CLIP1: variants seen among roughly 807,000 people sequenced by gnomAD.
CLIP1 encodes the protein CAP-Gly domain containing linker protein 1, also known as CAP-Gly domain-containing linker protein 1.
CLIP1 carries 66 observed loss-of-function variants against 161.6 expected under a neutral mutation model. The observed-to-expected ratio is 0.41, with a 90% CI of 0.33 to 0.50. The LOEUF (loss-of-function observed/expected upper bound fraction) is 0.50. Ranked by LOEUF, CLIP1 falls within the 20% of genes least tolerant of loss-of-function variation. The pLI, the probability that CLIP1 is intolerant of heterozygous loss-of-function variation, is 0.27. For synonymous variants in CLIP1, 598 were observed against 626.2 expected (o/e 0.96, Z 0.67); for missense variants, 1,376 against 1,702.0 (o/e 0.81, Z 3.37).
intron 20 of CLIP1, among the ~76,000 whole-genome samples, chr12:122,303,636 C>T (rs984626563): frequency 1.3e-5 from 2 of 152,196 alleles, no homozygotes; most frequent in African/African-American, 4.8e-5. Context: ...CTCATTCCCA[C>T]AGGAGAACAT....
intron 24 of CLIP1, chr12:122,276,383 C>CACACACACACACAA: frequency 2.2e-6 from 1 of 456,170 alleles, no homozygotes; most frequent in South Asian, 2.8e-5. Flanking sequence ...AGTGGGAAAC[C>CACACACACACACAA]ACACACACAC....
chr12:122,325,721 T>C, intron 17 of CLIP1, among the ~76,000 whole-genome samples: 1 of 152,190 alleles, frequency 6.6e-6, no homozygotes, highest in Non-Finnish European at 1.5e-5. Context: ...TGGCACCATC[T>C]CAGCTCACTG....
At chr12:122,421,073 TTC>T (rs1384685435) in intron 1 of CLIP1, among the ~76,000 whole-genome samples, 4 of 149,404 alleles carry the variant, frequency 2.7e-5, no homozygotes, top group African/African-American at 9.8e-5. Flanking sequence ...GTAAAAGGTA[TTC>T]TGACTTCAGG....
intron 20 of CLIP1, 83 bp from the exon 21 acceptor site, chr12:122,288,624 G>A: frequency 1.7e-6 from 2 of 1,189,500 alleles, no homozygotes; most frequent in Non-Finnish European, 2.4e-6. Flanking sequence ...CATCCCCCAG[G>A]CTCCAGGACA....
chr12:122,294,186 G>A (rs1397018852), intron 20 of CLIP1, among the ~76,000 whole-genome samples: 9 of 151,176 alleles, frequency 6.0e-5, no homozygotes, highest in African/African-American at 1.2e-4. Context: ...AAAATTAGCC[G>A]GGTGTGGTGG....
Position 122,372,984 on chromosome 12 carries a change from G to GA in CLIP1, c.657+4404dup, listed in dbSNP as rs199506219. 2.9e-3 allele frequency among the ~76,000 whole-genome samples: 440 copies of GA among 152,222 alleles called. 2 individuals are homozygous for GA. Among genetic ancestry groups the GA allele is most frequent in the African/African-American group, 0.01 (422 of 41,538 alleles). ...ACCGATAAGAGGATTGAGAAAAACA[G>GA]AAAAAATCGAATTATTAGGTGCAGC... is the stretch of plus-strand genomic sequence containing the variant. On this transcript the variant is annotated intron_variant, in intron 3 of 25. Transcript: ENST00000620786.
At position 122,316,788 on chromosome 12, in the gene CLIP1, G is replaced by A. The variant is rs758355764; in HGVS notation, c.3434C>T (p.Thr1145Ile). Residue 1145 changes from threonine to isoleucine, a missense_variant, in exon 19 of 26, where the codon ACT becomes ATT. This residue lies in a region of CLIP1 where 948 missense variants were observed against 1,134.8 expected (regional missense o/e 0.84). Coordinates refer to ENST00000620786, the MANE Select transcript of CLIP1 (RefSeq NM_001247997.2). ...TTCTTCCATTTTTTGATTCTCTACA[G>A]TCAGGAGTTCTTTTGATTTGTTCAG... ...EELNKSKELL[T>I]VENQKMEEFR... The A allele has an allele frequency of 6.3e-7, 1 of 1,589,856 alleles. No homozygotes were observed. Among genetic ancestry groups the A allele is most frequent in the African/African-American group, 1.4e-5 (1 of 73,944 alleles).
Position 122,316,811 on chromosome 12 carries a change from C to T in CLIP1, c.3411G>A (p.Leu1137=), listed in dbSNP as rs544243559. The change falls in exon 19 of 26, where the codon CTG becomes CTA. Residue 1137 remains leucine (L), a synonymous_variant. Coordinates refer to ENST00000620786, the MANE Select transcript of CLIP1 (RefSeq NM_001247997.2). ...KENNLKNVEE[L]NKSKELLTVE... The stretch of plus-strand genomic sequence containing the variant: ...CAGTCAGGAGTTCTTTTGATTTGTT[C>T]AGCTCTTCCACATTTTTCAAGTTGT... 4.6e-5 allele frequency: 74 copies of T among 1,594,118 alleles called. 1 individual carries two copies. In the South Asian group the frequency reaches 8.5e-4, roughly 18 times the overall value.
At position 122,355,296 on chromosome 12, in the gene CLIP1, G is replaced by C. The variant is rs756673399; in HGVS notation, c.1022C>G (p.Ser341Cys). The part of the protein sequence containing the change: ...SRTGLLTETS[S>C]RYARKISGTT... ...ACCGGAGATCTTCCTGGCGTAACGG[G>C]AGGAGGTTTCAGTCAACTGTAAAGG... Residue 341 changes from serine (S) to cysteine (C), a missense_variant, in exon 6 of 26, where the codon TCC becomes TGC. Physicochemically the swap from Ser to Cys is moderately radical, Grantham distance 112. Transcript: ENST00000620786. This position sits in a 1 kb window ranked among gnomAD's most constrained non-coding sequence, Gnocchi z 4.1. The C allele has an allele frequency of 1.2e-6, 2 of 1,613,982 alleles. No homozygotes were observed. The highest frequency in any genetic ancestry group is 2.2e-5 in the East Asian group (1 of 44,868).
intron 20 of CLIP1, among the ~76,000 whole-genome samples, chr12:122,305,766 A>G (rs564213310): frequency 6.6e-6 from 1 of 152,230 alleles, no homozygotes; most frequent in East Asian, 1.9e-4. Flanking sequence ...CAGCTTGACC[A>G]GAATAAAAAG....
intron 12 of CLIP1, among the ~76,000 whole-genome samples, chr12:122,336,062 G>A (rs1952202313): frequency 6.6e-6 from 1 of 152,174 alleles, no homozygotes; most frequent in African/African-American, 2.4e-5. Flanking sequence ...AAGGAACAGA[G>A]TTGAGAAAAG....
rs1352531129 is a variant in CLIP1, at chr12:122,324,780, C to T, written c.3249+3167G>A. Among the ~76,000 whole-genome samples the T allele has an allele frequency of 1.3e-4, 20 of 152,060 alleles. No homozygotes were observed. The East Asian group carries it at 3.5e-3, about 26-fold the overall frequency. On this transcript the variant is annotated intron_variant, in intron 17 of 25. Coordinates refer to ENST00000620786, the MANE Select transcript of CLIP1 (RefSeq NM_001247997.2). ...TTTAAAAATACAATTAAAAGAAGTACAAAAACTCAGTATATTTTAATGAAA... is the reference window on the plus strand; with the variant it reads ...TTTAAAAATACAATTAAAAGAAGTATAAAAACTCAGTATATTTTAATGAAA...
chr12:122,375,315 CT>C (rs58301377), intron 3 of CLIP1, among the ~76,000 whole-genome samples: 788 of 142,592 alleles, frequency 5.5e-3, no homozygotes, highest in African/African-American at 0.013. Flanking sequence ...CCCTGAAATT[CT>C]TTTTTTTTTT....
chr12:122,278,715 G>A (rs981094030), intron 23 of CLIP1, 77 bp downstream of exon 23: 9 of 1,445,088 alleles, frequency 6.2e-6, no homozygotes, highest in African/African-American at 4.3e-5. Context: ...AGCTGTCTTC[G>A]AAGAGCATCT....
intron 20 of CLIP1, among the ~76,000 whole-genome samples, chr12:122,299,397 T>C (rs1950592130): frequency 6.6e-6 from 1 of 151,974 alleles, no homozygotes; most frequent in Admixed American, 6.6e-5. Flanking sequence ...AAAAAGACTT[T>C]CAGGAACTGC....
At chr12:122,314,502 CG>C (rs1951188914) in intron 19 of CLIP1, among the ~76,000 whole-genome samples, 1 of 152,014 alleles carries the variant, frequency 6.6e-6, no homozygotes, top group Non-Finnish European at 1.5e-5. Context: ...ACAAAAGACT[CG>C]TAAGTAGTAC....
chr12:122,369,587 C>T (rs57569245), intron 3 of CLIP1, among the ~76,000 whole-genome samples: 4,122 of 151,722 alleles, frequency 0.027, 203 homozygotes, highest in African/African-American at 0.095. Context: ...AGAAAGTTTC[C>T]GTGCTTTCAT....
intron 17 of CLIP1, among the ~76,000 whole-genome samples, chr12:122,320,338 T>C (rs1364393511): frequency 1.3e-5 from 2 of 151,752 alleles, no homozygotes; most frequent in African/African-American, 2.4e-5. Context: ...CATGGTAGCA[T>C]GTGCCTACAG....
chr12:122,294,256 GAGA>G (rs912218609), intron 20 of CLIP1, among the ~76,000 whole-genome samples: 3 of 146,384 alleles, frequency 2.0e-5, no homozygotes, highest in African/African-American at 7.5e-5. Flanking sequence ...GTGAACCTGG[GAGA>G]AGGAGCTTGC....
Sources: gnomAD v4.1 joint callset for allele counts (sites outside exome capture counted in the v4.1 genomes callset) on GRCh38, gnomAD v4.1.1 for gene constraint, gnomAD v4.1.1 regional missense constraint, Gnocchi (gnomAD v3.1) non-coding constraint, MANE v1.5 for transcripts, NCBI Gene and HGNC (gene_info 2026-07-23, HGNC 2026-07-21) for gene names.